Variants in TSGA10IP observed in about 807,000 individuals in gnomAD.
The protein encoded by TSGA10IP is testis specific 10 interacting protein.
TSGA10IP carries 64 observed loss-of-function variants against 63.2 expected under a neutral mutation model. The observed-to-expected ratio is 1.01, with a 90% CI of 0.83 to 1.25. The LOEUF is 1.25. TSGA10IP is among the 50% of genes most tolerant of loss of function. The probability of loss-of-function intolerance (pLI) is 0.00; values close to 1 mark genes in which losing one functional copy is unlikely to be tolerated. For missense variants in TSGA10IP, 681 were observed against 710.1 expected (o/e 0.96, Z 0.47); for synonymous variants, 316 against 298.3 (o/e 1.06, Z -0.61).
chr11:65,953,539 C>T (rs369186239), intron 4 of TSGA10IP, 28 bp from the exon 5 acceptor site: 1 of 1,538,336 alleles, frequency 6.5e-7, no homozygotes, highest in Non-Finnish European at 8.7e-7. Context: ...CCGTGAACCT[C>T]TCATTCCCCT....
exon 1 of TSGA10IP, chr11:65,945,547 G>A: frequency 1.0e-6 from 1 of 984,572 alleles, no homozygotes; most frequent in Non-Finnish European, 1.5e-6. Flanking sequence ...GAAGGAGATT[G>A]GCCTCACATA....
chr11:65,953,767 T>C lies in TSGA10IP; in HGVS notation c.1322+30T>C, dbSNP rs757878829. ...GGAGCCTGGGCTTCGGGAGGCCTGG[T>C]TGGGAGAGGGCAGGGAGGCCGTGTC... On this transcript the variant is annotated intron_variant, in intron 5 of 7. Coordinates refer to ENST00000532620, the Ensembl canonical transcript of TSGA10IP. The C allele has an allele frequency of 6.7e-6, 10 of 1,483,812 alleles. No individual in the cohort carries two copies. The East Asian group carries it at 7.4e-5, about 11-fold the overall frequency. The allele number at this position is 1,483,812 out of a possible 1,614,324, so 91.9% of individuals were successfully genotyped here.
At chr11:65,956,737 C>A (rs1468333219) in intron 5 of TSGA10IP, among the ~76,000 whole-genome samples, 1 of 151,936 alleles carries the variant, frequency 6.6e-6, no homozygotes, top group Non-Finnish European at 1.5e-5. Flanking sequence ...ACCATATTGC[C>A]CCAGCTGTCT....
intron 4 of TSGA10IP, among the ~76,000 whole-genome samples, chr11:65,949,037 C>G (rs542720324): frequency 6.6e-6 from 1 of 150,968 alleles, no homozygotes; most frequent in Non-Finnish European, 1.5e-5. Flanking sequence ...CCTGTCTCTA[C>G]AAAGGAAAAA....
chr11:65,946,327 G>A (rs1418043560), intron 1 of TSGA10IP, among the ~76,000 whole-genome samples: 3 of 152,170 alleles, frequency 2.0e-5, no homozygotes, highest in East Asian at 1.9e-4. Flanking sequence ...GGAAGGTTAC[G>A]TGTGTTTATG....
At chr11:65,948,277 C>T (rs1854880866) in intron 4 of TSGA10IP, 129 bp downstream of exon 4, 1 of 465,570 alleles carries the variant, frequency 2.1e-6, no homozygotes, top group Non-Finnish European at 3.4e-6. Flanking sequence ...ACTTTTGGAT[C>T]ATCCATCCAT....
Position 65,948,014 on chromosome 11 carries a change from GC to G in TSGA10IP, c.1020del (p.Trp341GlyfsTer4), listed in dbSNP as rs1311880520. On this transcript the variant is annotated frameshift_variant, in exon 4 of 8. Transcript: ENST00000532620. LOFTEE classifies it high-confidence loss of function. ...CACTGTGGGCAGGCCCCCAAAAGCT[GC>G]CCTGGAAGACTTTGAGGGCTGCCTT... The G allele has an allele frequency of 6.4e-7, 1 of 1,562,054 alleles. No individual in the cohort carries two copies. Among genetic ancestry groups the G allele is most frequent in the East Asian group, 2.4e-5 (1 of 41,848 alleles).
rs767745722 is a variant in TSGA10IP at position 65,948,112 on chromosome 11, C to T, written c.1115C>T (p.Pro372Leu). 1.7e-5 allele frequency: 28 copies of T among 1,601,382 alleles called. 1 individual carries two copies. The South Asian group carries it at 3.1e-4, about 17-fold the overall frequency. The stretch of plus-strand genomic sequence containing the variant: ...GAAACTTTCGTGTCTGCCAACCTCC[C>T]TAATCGCACCTTCCACAAACGACAG... Residue 372 changes from proline (P) to leucine (L), a missense_variant, in exon 4 of 8, where the codon CCT (proline) becomes CTT (leucine). Physicochemically the swap from Pro to Leu is moderately conservative, Grantham distance 98. Transcript: ENST00000532620.
At chr11:65,945,718 G>T in exon 1 of TSGA10IP, 2 of 1,612,516 alleles carry the variant, frequency 1.2e-6, no homozygotes, top group Non-Finnish European at 1.7e-6. Context: ...CCAACAGTTG[G>T]TTAGGACCCC....
At chr11:65,955,485 C>A (rs1398418880) in intron 5 of TSGA10IP, among the ~76,000 whole-genome samples, 5 of 151,858 alleles carry the variant, frequency 3.3e-5, no homozygotes, top group African/African-American at 1.2e-4. Flanking sequence ...TAGTGGCGCG[C>A]GACTGTAGTC....
At chr11:65,947,682 G>C (rs767010738) in exon 3 of TSGA10IP, 1 of 1,605,288 alleles carries the variant, frequency 6.2e-7, no homozygotes, top group Non-Finnish European at 8.5e-7. Context: ...TCCGATGAGG[G>C]AGAAGTGCAG....
chr11:65,946,752 T>C, intron 1 of TSGA10IP, 128 bp from the exon 2 acceptor site: 1 of 1,081,544 alleles, frequency 9.2e-7, no homozygotes, highest in East Asian at 2.6e-5. Flanking sequence ...TTGGTTTTTA[T>C]GGTAACGAGG....
exon 3 of TSGA10IP, chr11:65,947,506 G>T (rs779007139): frequency 1.9e-6 from 3 of 1,613,266 alleles, no homozygotes; most frequent in African/African-American, 2.7e-5. Flanking sequence ...AGGCCGAGAG[G>T]GGTCTGAGTT....
chr11:65,947,616 C>A (rs1445839786), exon 3 of TSGA10IP: 38 of 1,613,684 alleles, frequency 2.4e-5, no homozygotes, highest in Non-Finnish European at 3.2e-5. Context: ...CACAGGACTC[C>A]CTGCAGAAGG....
exon 1 of TSGA10IP, chr11:65,945,652 G>A (rs970767271): frequency 1.8e-5 from 29 of 1,610,274 alleles, no homozygotes; most frequent in Non-Finnish European, 2.0e-5. Context: ...GCAGTTCTAC[G>A]GTGCGGATGG....
At chr11:65,947,448 G>C in exon 3 of TSGA10IP, 3 of 1,613,688 alleles carry the variant, frequency 1.9e-6, no homozygotes, top group Non-Finnish European at 2.5e-6. Context: ...CCAGGATCAG[G>C]ATCGGCGTCC....
chr11:65,958,793 T>G (rs1855066952), intron 5 of TSGA10IP, 90 bp from the exon 6 acceptor site: 1 of 1,039,354 alleles, frequency 9.6e-7, no homozygotes. Flanking sequence ...GACATGAATA[T>G]CAAGTCCTTA....
chr11:65,948,674 C>G (rs555952116), intron 4 of TSGA10IP, among the ~76,000 whole-genome samples: 1 of 151,862 alleles, frequency 6.6e-6, no homozygotes, highest in South Asian at 2.1e-4. Context: ...GACACTGTCT[C>G]TAAAAAAGAA....
intron 5 of TSGA10IP, among the ~76,000 whole-genome samples, chr11:65,957,128 A>AC (rs1855037852): frequency 6.6e-6 from 1 of 152,076 alleles, no homozygotes. Flanking sequence ...ACCCATAGGC[A>AC]CCACTTCCCT....
Sources: allele counts gnomAD v4.1 joint callset (sites outside exome capture counted in the v4.1 genomes callset), GRCh38; gene constraint gnomAD v4.1.1; transcripts MANE v1.5; gene names NCBI Gene and HGNC (gene_info 2026-07-23, HGNC 2026-07-21).